Variants in MICA observed in about 807,000 individuals in gnomAD.
MICA encodes the protein MHC class I polypeptide-related sequence A, also known as HLA class I antigen.
A neutral mutation model predicts 34.3 loss-of-function variants in MICA; 18 were observed. The ratio of observed to expected loss-of-function variants is 0.52; its 90% CI spans 0.36 to 0.78. The LOEUF (loss-of-function observed/expected upper bound fraction) is 0.78. MICA is among the 30% of genes least tolerant of loss of function. The probability of loss-of-function intolerance (pLI) is 0.00; values close to 1 mark genes in which losing one functional copy is unlikely to be tolerated. For synonymous variants in MICA, 135 were observed against 156.9 expected, an observed-to-expected ratio of 0.86 and a Z score of 1.04; for missense variants, 333 against 409.4, an observed-to-expected ratio of 0.81 and a Z score of 1.61.
rs1006671828 is a variant in MICA, at chr6:31,409,570, T to C, written c.71-973T>C. On this transcript the variant is annotated intron_variant, in intron 1 of 5. Coordinates refer to ENST00000449934, the MANE Select transcript of MICA (RefSeq NM_001177519.3). ...ATTTCATTTCGGGGTTGATTGCTTTTTCACTCTGATTGTGCCCTTTGATGC... is the reference window on the plus strand; with the variant it reads ...ATTTCATTTCGGGGTTGATTGCTTTCTCACTCTGATTGTGCCCTTTGATGC... Among the ~76,000 whole-genome samples, 6 of 115,214 alleles carry C rather than the reference T, an allele frequency of 5.2e-5. 1 individual carries two copies. The highest frequency in any genetic ancestry group is 1.7e-4 in the Admixed American group (2 of 11,978). The allele number at this position is 115,214 out of a possible 152,430, so 75.6% of individuals were successfully genotyped here.
chr6:31,404,352 CCT>C (rs1685148258), intron 1 of MICA, among the ~76,000 whole-genome samples: 1 of 151,588 alleles, frequency 6.6e-6, no homozygotes, highest in Non-Finnish European at 1.5e-5. Flanking sequence ...AGGGTCCTCT[CCT>C]CTCTCTCATC....
chr6:31,401,389 T>C (rs750199517), upstream of MICA, among the ~76,000 whole-genome samples: 1 of 151,646 alleles, frequency 6.6e-6, no homozygotes, highest in African/African-American at 2.4e-5. Flanking sequence ...CTAGGGATCA[T>C]GGGGGAATAG....
intron 1 of MICA, among the ~76,000 whole-genome samples, chr6:31,404,619 T>A (rs1770648119): frequency 6.6e-6 from 1 of 151,820 alleles, no homozygotes; most frequent in African/African-American, 2.4e-5. Context: ...GCCTCCCCGT[T>A]CCCAAATGTC....
At chr6:31,410,890 G>C (rs1771093498) in intron 2 of MICA, 93 bp downstream of exon 2, 1 of 1,490,394 alleles carries the variant, frequency 6.7e-7, no homozygotes, top group African/African-American at 1.4e-5. Context: ...CACTGGATCT[G>C]GCTCAGGCTG....
At chr6:31,406,305 G>A (rs149180814) in intron 1 of MICA, among the ~76,000 whole-genome samples, 56 of 151,722 alleles carry the variant, frequency 3.7e-4, no homozygotes, top group Middle Eastern at 3.4e-3. Flanking sequence ...ATCTGTTGAC[G>A]AATGATGTTG....
upstream of MICA, chr6:31,402,144 T>G (rs530267023): frequency 6.6e-6 from 1 of 152,018 alleles, no homozygotes; most frequent in South Asian, 2.1e-4. Flanking sequence ...TTTCTTTTCT[T>G]TTTATTTTAA....
intron 1 of MICA, among the ~76,000 whole-genome samples, chr6:31,409,313 G>GTGTGTGTGTA (rs1207091637): frequency 6.6e-6 from 1 of 151,448 alleles, no homozygotes; most frequent in African/African-American, 2.4e-5. Flanking sequence ...CTTGCTCTGT[G>GTGTGTGTGTA]TGTGTGTGTA....
At chr6:31,414,560 G>A (rs1771403332) in intron 5 of MICA, among the ~76,000 whole-genome samples, 1 of 152,024 alleles carries the variant, frequency 6.6e-6, no homozygotes. Flanking sequence ...TGGGAGGGGA[G>A]GAGCACTGAG....
At chr6:31,405,738 A>G (rs1195444177) in intron 1 of MICA, among the ~76,000 whole-genome samples, 1 of 151,748 alleles carries the variant, frequency 6.6e-6, no homozygotes, top group Non-Finnish European at 1.5e-5. Flanking sequence ...GCCTCTGGTA[A>G]TCATCATTCT....
At chr6:31,400,980 A>G (rs774355274), upstream of MICA, among the ~76,000 whole-genome samples, 5 of 151,902 alleles carry the variant, frequency 3.3e-5, no homozygotes, top group Non-Finnish European at 7.4e-5. Flanking sequence ...GACTGGCTTC[A>G]TGACTCCCTG....
Position 31,403,795 on chromosome 6 carries a change from G to A in MICA, c.70+93G>A, listed in dbSNP as rs1472926461. 4.0e-6 allele frequency: 5 copies of A among 1,246,454 alleles called. No homozygotes were observed. The highest frequency in any genetic ancestry group is 1.4e-5 in the South Asian group (1 of 74,034). The allele number at this position is 1,246,454 out of a possible 1,614,324, so 77.2% of individuals were successfully genotyped here. ...TAGCGGCGAGCGCTGTGCGGTCAGGGCGGGGCTCCTGTGCCCTGTCGGTGG... is the reference window on the plus strand; with the variant it reads ...TAGCGGCGAGCGCTGTGCGGTCAGGACGGGGCTCCTGTGCCCTGTCGGTGG... On this transcript the variant is annotated intron_variant, in intron 1 of 5. Coordinates refer to ENST00000449934, the MANE Select transcript of MICA (RefSeq NM_001177519.3). The surrounding 1 kb of genome is among the most constrained non-coding windows in gnomAD (Gnocchi z 4.7).
Position 31,410,784 on chromosome 6 carries a change from G to A in MICA, c.312G>A (p.Lys104=), listed in dbSNP as rs752590803. The A allele has an allele frequency of 6.4e-7, 1 of 1,566,418 alleles. No individual in the cohort carries two copies. Among genetic ancestry groups the A allele is most frequent in the Non-Finnish European group, 8.7e-7 (1 of 1,155,472 alleles). The change falls in exon 2 of 6, where the codon AAG becomes AAA. Residue 104 remains lysine, a synonymous_variant. Transcript: ENST00000449934. ...TCAGGATGACCCTGGCTCATATCAA[G>A]GACCAGAAAGAAGGTGAGAGTCGGC... The part of the protein sequence containing the change: ...KDLRMTLAHI[K]DQKEGLHSLQ...
chr6:31,408,880 C>G (rs1430243222), intron 1 of MICA, among the ~76,000 whole-genome samples: 1 of 151,602 alleles, frequency 6.6e-6, no homozygotes, highest in Non-Finnish European at 1.5e-5. Context: ...TGGCGGGTGC[C>G]TGTAATCCCA....
At position 31,415,236 on chromosome 6, in the gene MICA, A is replaced by G; in HGVS notation, c.*254A>G. 1 of 600,834 alleles carries G rather than the reference A, an allele frequency of 1.7e-6. No homozygotes were observed. The highest frequency in any genetic ancestry group is 3.0e-6 in the Non-Finnish European group (1 of 332,022). The allele number at this position is 600,834 out of a possible 1,614,324, so 37.2% of individuals were successfully genotyped here. ...AGTTTCCTGACCTATGAAACAGAGA[A>G]AATAAAAGCACTTATTTATTGTTGT... is the stretch of plus-strand genomic sequence containing the variant. On this transcript the variant is annotated 3_prime_UTR_variant, in exon 6 of 6. Coordinates refer to ENST00000449934, the MANE Select transcript of MICA (RefSeq NM_001177519.3).
rs573519029 is a variant in MICA, at chr6:31,406,408, A to T, written c.70+2706A>T. Among the ~76,000 whole-genome samples, 495 of 150,240 alleles carry T rather than the reference A, an allele frequency of 3.3e-3. 6 individuals carry two copies. Among genetic ancestry groups the T allele is most frequent in the South Asian group, 0.03 (142 of 4,714 alleles). On this transcript the variant is annotated intron_variant, in intron 1 of 5. Transcript: ENST00000449934. Reference sequence around the variant, plus strand: ...TCTCATTTTTAAATTGGATTATTATATTTTTTTTCCTATAGTTGTTCGAGC... The same window carrying T: ...TCTCATTTTTAAATTGGATTATTATTTTTTTTTTCCTATAGTTGTTCGAGC...
rs754045239 is a variant in MICA, at chr6:31,412,057, G to C, written c.724G>C (p.Asp242His). ...PRNIILTWRQ[D>H]GVSLSHDTQQ... The stretch of plus-strand genomic sequence containing the variant: ...GAATATCATACTGACCTGGCGTCAG[G>C]ATGGGGTATCTTTGAGCCACGACAC... The change falls in exon 4 of 6, where the codon GAT (aspartate) becomes CAT (histidine). Residue 242 changes from aspartate to histidine, a missense_variant. Transcript: ENST00000449934. The C allele has an allele frequency of 1.9e-6, 3 of 1,613,008 alleles. No individual in the cohort carries two copies. The African/African-American group carries it at 4.0e-5, about 22-fold the overall frequency.
At chr6:31,406,180 C>T (rs115337003) in intron 1 of MICA, among the ~76,000 whole-genome samples, 4,479 of 151,814 alleles carry the variant, frequency 0.03, 162 homozygotes, top group Middle Eastern at 0.088. Flanking sequence ...TGTACATCCT[C>T]ACCAGCATTC....
chr6:31,405,085 C>T (rs1770681265), intron 1 of MICA, among the ~76,000 whole-genome samples: 1 of 140,512 alleles, frequency 7.1e-6, no homozygotes, highest in African/African-American at 2.6e-5. Flanking sequence ...CCTCACCCTA[C>T]CCCAAGTTCT....
In MICA at chr6:31,415,010, A is replaced by G. The variant is rs1305996990; in HGVS notation, c.*30-2A>G. ...ATTTACCCATTTCCCTCTTTTCTCC[A>G]GAGCTCGTGAGCCTGCAGGTCCTGG... On this transcript the variant is annotated splice_acceptor_variant, in intron 5 of 5. Transcript: ENST00000449934. LOFTEE classifies it low-confidence loss of function (3UTR_SPLICE). The G allele has an allele frequency of 6.7e-7, 1 of 1,484,610 alleles. No homozygotes were observed. The highest frequency in any genetic ancestry group is 9.3e-7 in the Non-Finnish European group (1 of 1,072,174). The allele number at this position is 1,484,610 out of a possible 1,614,324, so 92.0% of individuals were successfully genotyped here. A position where few individuals can be genotyped will look rare whatever the true frequency, so the allele number is the denominator to read the frequency against.
Sources: gnomAD v4.1 joint callset for allele counts (sites outside exome capture counted in the v4.1 genomes callset) on GRCh38, gnomAD v4.1.1 for gene constraint, Gnocchi (gnomAD v3.1) non-coding constraint, MANE v1.5 for transcripts, NCBI Gene and HGNC (gene_info 2026-07-23, HGNC 2026-07-21) for gene names.